Variants in DLC1 observed in about 807,000 individuals in gnomAD.
The protein encoded by DLC1 is DLC1 Rho GTPase activating protein.
A neutral mutation model predicts 140.3 loss-of-function variants in DLC1; 54 were observed. That is an observed-to-expected ratio of 0.38 (90% CI 0.31 to 0.48). The LOEUF (loss-of-function observed/expected upper bound fraction) is 0.48. Ranked by LOEUF, DLC1 falls within the 20% of genes least tolerant of loss-of-function variation. DLC1 has a pLI of 0.96. For missense variants in DLC1, 2,536 were observed against 1,907.0 expected (o/e 1.33, Z -6.14); for synonymous variants, 986 against 728.1 (o/e 1.35, Z -5.70).
At chr8:13,338,173 T>C (rs1175675388) in intron 4 of DLC1, among the ~76,000 whole-genome samples, 1 of 152,234 alleles carries the variant, frequency 6.6e-6, no homozygotes, top group Non-Finnish European at 1.5e-5. Context: ...CACTTGGTTG[T>C]TCTTTCCCTT....
At chr8:13,548,384 T>G (rs1803725559) in intron 1 of DLC1, among the ~76,000 whole-genome samples, 1 of 152,028 alleles carries the variant, frequency 6.6e-6, no homozygotes, top group Non-Finnish European at 1.5e-5. Flanking sequence ...CACCCCAGTA[T>G]TAAATTGAAT....
intron 1 of DLC1, among the ~76,000 whole-genome samples, chr8:13,529,002 A>T (rs1375992993): frequency 1.3e-5 from 2 of 152,174 alleles, no homozygotes; most frequent in Non-Finnish European, 2.9e-5. Context: ...CTATGCCAAG[A>T]CGATTATTTC....
chr8:13,568,791 C>T (rs1804544883), intron 1 of DLC1, among the ~76,000 whole-genome samples: 1 of 152,080 alleles, frequency 6.6e-6, no homozygotes, highest in South Asian at 2.1e-4. Context: ...ACAGAGAAGC[C>T]ATGTAAAGAT....
rs1258890652 is a variant in DLC1, at chr8:13,095,253, AGAAC to A, written c.3168-12_3168-9del. 1.2e-6 allele frequency: 2 copies of A among 1,614,104 alleles called. No individual in the cohort carries two copies. The highest frequency in any genetic ancestry group is 1.7e-6 in the Non-Finnish European group (2 of 1,180,030). ...ATGAACTTGGGCACGGCCCTGTTAA[AGAAC>A]ACAGAGATGGTGGTGTTGGCGGAGA... On this transcript the variant is annotated splice_polypyrimidine_tract_variant and intron_variant, in intron 10 of 17. Transcript: ENST00000276297.
intron 4 of DLC1, among the ~76,000 whole-genome samples, 178 bp from the exon 5 acceptor site, chr8:13,305,480 C>T (rs776773648): frequency 2.0e-5 from 3 of 152,178 alleles, no homozygotes; most frequent in Non-Finnish European, 4.4e-5. Context: ...AACTGTAAAT[C>T]ATCTTCTAAT....
chr8:13,135,207 T>G (rs1027331119), intron 5 of DLC1, among the ~76,000 whole-genome samples: 6 of 147,916 alleles, frequency 4.1e-5, no homozygotes, highest in Non-Finnish European at 9.0e-5. Context: ...GAGAAGCCTT[T>G]TTTTTTTTTT....
At chr8:13,581,038 C>A (rs532360093) in intron 1 of DLC1, among the ~76,000 whole-genome samples, 1 of 152,108 alleles carries the variant, frequency 6.6e-6, no homozygotes, top group Non-Finnish European at 1.5e-5. Context: ...AGCGGTGAAA[C>A]CTTAAAGTTG....
intron 4 of DLC1, among the ~76,000 whole-genome samples, chr8:13,378,337 T>C (rs1172158991): frequency 6.6e-6 from 1 of 151,732 alleles, no homozygotes; most frequent in Non-Finnish European, 1.5e-5. Context: ...CTAAATGCGA[T>C]AGAATTTTAA....
chr8:13,566,009 TG>T (rs1340143543), intron 1 of DLC1, among the ~76,000 whole-genome samples: 1 of 152,210 alleles, frequency 6.6e-6, no homozygotes, highest in East Asian at 1.9e-4. Context: ...AAGATTTATT[TG>T]TTCCATAGCC....
At chr8:13,216,924 G>T (rs947585935) in intron 5 of DLC1, among the ~76,000 whole-genome samples, 1 of 152,120 alleles carries the variant, frequency 6.6e-6, no homozygotes, top group Non-Finnish European at 1.5e-5. Flanking sequence ...GGTGATGTGG[G>T]ACAGGTGTGC....
chr8:13,305,026 C>A, intron 5 of DLC1: 1 of 1,123,164 alleles, frequency 8.9e-7, no homozygotes, highest in Non-Finnish European at 1.1e-6. Flanking sequence ...ATTGTGGTTG[C>A]AGTTACAAGG....
chr8:13,149,796 A>G (rs924473653), intron 5 of DLC1, among the ~76,000 whole-genome samples: 1 of 152,226 alleles, frequency 6.6e-6, no homozygotes, highest in Non-Finnish European at 1.5e-5. Flanking sequence ...AGGCTGGAAT[A>G]AAACAGGTGA....
At chr8:13,381,533 C>T (rs192973560) in intron 4 of DLC1, among the ~76,000 whole-genome samples, 11 of 152,264 alleles carry the variant, frequency 7.2e-5, no homozygotes, top group Admixed American at 4.6e-4. Flanking sequence ...TCATAAAAGG[C>T]GTGGCAGTCT....
At position 13,116,885 on chromosome 8, in the gene DLC1, G is replaced by C. The variant is rs148264598; in HGVS notation, c.1349-1228C>G. Among the ~76,000 whole-genome samples, 250 of 152,308 alleles carry C rather than the reference G, an allele frequency of 1.6e-3. 1 individual carries two copies. Among genetic ancestry groups the C allele is most frequent in the African/African-American group, 5.8e-3 (242 of 41,574 alleles). ...AATAGCATGGCAAAGTTAACTTCAT[G>C]AATCTTTTCAGTGCAGCAGTGAAAG... On this transcript the variant is annotated intron_variant, in intron 5 of 17. Coordinates refer to ENST00000276297, the MANE Select transcript of DLC1 (RefSeq NM_182643.3).
chr8:13,175,818 C>A (rs1825729094), intron 5 of DLC1, among the ~76,000 whole-genome samples: 1 of 152,152 alleles, frequency 6.6e-6, no homozygotes, highest in Admixed American at 6.5e-5. Flanking sequence ...AATCATGATA[C>A]AGAACTGTTC....
chr8:13,546,213 C>G (rs941013388), intron 1 of DLC1, among the ~76,000 whole-genome samples: 1 of 152,002 alleles, frequency 6.6e-6, no homozygotes, highest in African/African-American at 2.4e-5. Context: ...TAATCACAGA[C>G]CACTATAAAT....
At chr8:13,399,313 T>C (rs1287595469) in intron 3 of DLC1, among the ~76,000 whole-genome samples, 1 of 152,202 alleles carries the variant, frequency 6.6e-6, no homozygotes, top group Non-Finnish European at 1.5e-5. Context: ...AGGTTTCTAA[T>C]GTAGCAGAAT....
At chr8:13,148,558 A>G (rs1165874907) in intron 5 of DLC1, among the ~76,000 whole-genome samples, 1 of 152,164 alleles carries the variant, frequency 6.6e-6, no homozygotes, top group Admixed American at 6.5e-5. Flanking sequence ...GGAGAAGCTG[A>G]CCAACTAAAT....
chr8:13,258,444 T>A (rs1325218667), intron 5 of DLC1, among the ~76,000 whole-genome samples: 1 of 152,228 alleles, frequency 6.6e-6, no homozygotes, highest in Admixed American at 6.5e-5. Flanking sequence ...TACCCATATA[T>A]ATTCCCATTT....
Sources: gnomAD v4.1 joint callset for allele counts (sites outside exome capture counted in the v4.1 genomes callset) on GRCh38, gnomAD v4.1.1 for gene constraint, MANE v1.5 for transcripts, NCBI Gene and HGNC (gene_info 2026-07-23, HGNC 2026-07-21) for gene names.